Variants in TPH2 observed in about 807,000 individuals in gnomAD.
TPH2 encodes tryptophan 5-hydroxylase 2.
TPH2 carries 27 observed loss-of-function variants against 59.1 expected under a neutral mutation model. The observed-to-expected ratio is 0.46, with a 90% CI of 0.34 to 0.63. TPH2 has a LOEUF of 0.63. Ranked by LOEUF, TPH2 falls within the 30% of genes least tolerant of loss-of-function variation. The probability of loss-of-function intolerance (pLI) is 0.01; values close to 1 mark genes in which losing one functional copy is unlikely to be tolerated. For missense variants in TPH2, 523 were observed against 588.3 expected, an observed-to-expected ratio of 0.89 and a Z score of 1.15; for synonymous variants, 220 against 210.5, an observed-to-expected ratio of 1.05 and a Z score of -0.39.
chr12:72,005,906 G>T (rs1043926351), intron 8 of TPH2, among the ~76,000 whole-genome samples: 1 of 151,948 alleles, frequency 6.6e-6, no homozygotes, highest in South Asian at 2.1e-4. Context: ...ATCAATACTC[G>T]CCCCTTTCAT....
At position 71,993,339 on chromosome 12, in the gene TPH2, C is replaced by T. The variant is rs552859255; in HGVS notation, c.942-1100C>T. ...TGAAGTGATAGATTTCAGAGGAGTA[C>T]AAGTGAAATCAAAACTATCTTTTAA... is the stretch of plus-strand genomic sequence containing the variant. On this transcript the variant is annotated intron_variant, in intron 7 of 10. Transcript: ENST00000333850. Among the ~76,000 whole-genome samples, 15 of 152,318 alleles carry T rather than the reference C, an allele frequency of 9.8e-5. No individual in the cohort carries two copies. The South Asian group carries it at 3.1e-3, about 32-fold the overall frequency.
At position 72,007,181 on chromosome 12, in the gene TPH2, G is replaced by A. The variant is rs146435792; in HGVS notation, c.1068+12616G>A. On this transcript the variant is annotated intron_variant, in intron 8 of 10. Coordinates refer to ENST00000333850, the MANE Select transcript of TPH2 (RefSeq NM_173353.4). ...TTTAACCATAAATAATAGAGGTAAG[G>A]CCTCCCCTAAGAGATGTCGAGCTTC... Among the ~76,000 whole-genome samples the A allele has an allele frequency of 1.8e-3, 268 of 152,268 alleles. 2 individuals are homozygous for A. The highest frequency in any genetic ancestry group is 6.3e-3 in the African/African-American group (260 of 41,560).
intron 7 of TPH2, among the ~76,000 whole-genome samples, chr12:71,983,789 CAGAG>C (rs992820014): frequency 7.3e-6 from 1 of 136,262 alleles, no homozygotes. Flanking sequence ...GAGAGAGAGA[CAGAG>C]AGAGAGAGAG....
chr12:71,978,515 G>T (rs1370409176), intron 6 of TPH2, among the ~76,000 whole-genome samples: 1 of 152,210 alleles, frequency 6.6e-6, no homozygotes, highest in African/African-American at 2.4e-5. Flanking sequence ...AGTATGAACT[G>T]ATTTGAAGAT....
rs1410536837 is a variant in TPH2, at chr12:71,938,928, C to A, written c.-59C>A. ...GCCCCTTCCTCTCAATCTCCGCCAG[C>A]GCTGCTACTGCCCCTCTAGTACCCC... On this transcript the variant is annotated 5_prime_UTR_variant, in exon 1 of 11. Coordinates refer to ENST00000333850, the MANE Select transcript of TPH2 (RefSeq NM_173353.4). 4.2e-6 allele frequency: 6 copies of A among 1,422,362 alleles called. No individual in the cohort carries two copies. The highest frequency in any genetic ancestry group is 6.0e-6 in the Non-Finnish European group (6 of 1,007,884). The allele number at this position is 1,422,362 out of a possible 1,614,324, so 88.1% of individuals were successfully genotyped here.
At chr12:71,941,547 T>A in intron 1 of TPH2, 37 bp from the exon 2 acceptor site, 1 of 1,604,842 alleles carries the variant, frequency 6.2e-7, no homozygotes. Flanking sequence ...GAACCCTAAC[T>A]AATATTTTGT....
In TPH2 at chr12:72,031,899, A is replaced by G. The variant is rs1304431902; in HGVS notation, c.*204A>G. On this transcript the variant is annotated 3_prime_UTR_variant, in exon 11 of 11. Coordinates refer to ENST00000333850, the MANE Select transcript of TPH2 (RefSeq NM_173353.4). ...ATGGCAGATAACCACTCATTGTATGAAATAACGTATTATGTTTAAACATCT... is the reference window on the plus strand; with the variant it reads ...ATGGCAGATAACCACTCATTGTATGGAATAACGTATTATGTTTAAACATCT... The G allele has an allele frequency of 3.2e-6, 2 of 622,330 alleles. No homozygotes were observed. Among genetic ancestry groups the G allele is most frequent in the African/African-American group, 3.7e-5 (2 of 54,448 alleles). The allele number at this position is 622,330 out of a possible 1,614,324, so 38.6% of individuals were successfully genotyped here.
Position 71,994,427 on chromosome 12 carries a change from CT to C in TPH2, c.942-6del. Reference sequence around the variant, plus strand: ...CTTATTTAACACGTCTTTGTGATGTCTTTTTTGTCAGAGACACATGCCATGA... The same window carrying C: ...CTTATTTAACACGTCTTTGTGATGTCTTTTTGTCAGAGACACATGCCATGA... On this transcript the variant is annotated splice_polypyrimidine_tract_variant and intron_variant, in intron 7 of 10. Coordinates refer to ENST00000333850, the MANE Select transcript of TPH2 (RefSeq NM_173353.4). The C allele has an allele frequency of 1.2e-6, 2 of 1,613,514 alleles. No individual in the cohort carries two copies. Among genetic ancestry groups the C allele is most frequent in the Non-Finnish European group, 1.7e-6 (2 of 1,179,578 alleles).
chr12:72,014,459 C>T (rs986441480), intron 8 of TPH2, among the ~76,000 whole-genome samples: 8 of 147,088 alleles, frequency 5.4e-5, no homozygotes, highest in African/African-American at 1.0e-4. Context: ...GGAGTGATCT[C>T]GGCTCACTGC....
chr12:71,987,727 C>A (rs920948464), intron 7 of TPH2, among the ~76,000 whole-genome samples: 1 of 152,120 alleles, frequency 6.6e-6, no homozygotes, highest in African/African-American at 2.4e-5. Flanking sequence ...TGGCGGGTGC[C>A]TGTAATCCCA....
chr12:72,005,952 C>T (rs1364541513), intron 8 of TPH2, among the ~76,000 whole-genome samples: 1 of 152,170 alleles, frequency 6.6e-6, no homozygotes, highest in Non-Finnish European at 1.5e-5. Flanking sequence ...AAACATACAT[C>T]TGTCAGTAGC....
intron 7 of TPH2, among the ~76,000 whole-genome samples, chr12:71,992,192 C>T (rs1270319717): frequency 3.3e-5 from 5 of 152,306 alleles, no homozygotes; most frequent in South Asian, 2.1e-4. Context: ...AAGCTATGTA[C>T]GCCCCAGCCC....
intron 5 of TPH2, 58 bp downstream of exon 5, chr12:71,949,713 G>A: frequency 6.9e-7 from 1 of 1,443,094 alleles, no homozygotes; most frequent in South Asian, 1.1e-5. Context: ...CACATGCTGT[G>A]TTAAACAAAC....
intron 7 of TPH2, among the ~76,000 whole-genome samples, chr12:71,987,713 G>A (rs1485916850): frequency 1.3e-5 from 2 of 152,102 alleles, no homozygotes; most frequent in Non-Finnish European, 1.5e-5. Flanking sequence ...TTAGCCAGGG[G>A]TGGTGGCGGG....
In TPH2 at chr12:71,941,721, G is replaced by A. The variant is rs755214711; in HGVS notation, c.243G>A (p.Leu81=). ...KNEVGGLVKA[L]RLFQEKRVNM... is the part of the protein sequence containing the mutation. ...AAGTTGGTGGATTGGTAAAAGCACT[G>A]AGGCTCTTTCAGGTGAATGTGAAAT... The change falls in exon 2 of 11, where the codon CTG becomes CTA. Residue 81 remains leucine (L), a synonymous_variant. Coordinates refer to ENST00000333850, the MANE Select transcript of TPH2 (RefSeq NM_173353.4). 6.2e-7 allele frequency: 1 copy of A among 1,614,036 alleles called. No individual in the cohort carries two copies. Among genetic ancestry groups the A allele is most frequent in the East Asian group, 2.2e-5 (1 of 44,876 alleles).
At chr12:71,956,404 C>T (rs571272863) in intron 5 of TPH2, among the ~76,000 whole-genome samples, 2 of 149,576 alleles carry the variant, frequency 1.3e-5, no homozygotes, top group African/African-American at 2.5e-5. Context: ...TTCCCTCCCT[C>T]CCTCTCCTTC....
chr12:71,988,878 T>C (rs539267467), intron 7 of TPH2, among the ~76,000 whole-genome samples: 1 of 152,340 alleles, frequency 6.6e-6, no homozygotes, highest in South Asian at 2.1e-4. Context: ...GGAGTTATTC[T>C]AAGATTATGC....
At chr12:71,964,674 T>C (rs1169346319) in intron 5 of TPH2, 1 of 985,072 alleles carries the variant, frequency 1.0e-6, no homozygotes, top group African/African-American at 1.7e-5. Flanking sequence ...AAAATGAGAG[T>C]CATCAATTAC....
intron 9 of TPH2, among the ~76,000 whole-genome samples, chr12:72,029,172 C>T (rs1873651144): frequency 6.6e-6 from 1 of 152,188 alleles, no homozygotes; most frequent in African/African-American, 2.4e-5. Context: ...AGATGAGTTT[C>T]ACTTCTTTCT....
Sources: gnomAD v4.1 joint callset for allele counts (sites outside exome capture counted in the v4.1 genomes callset) on GRCh38, gnomAD v4.1.1 for gene constraint, MANE v1.5 for transcripts, NCBI Gene and HGNC (gene_info 2026-07-23, HGNC 2026-07-21) for gene names.